PTBP2: variants seen among roughly 807,000 people sequenced by gnomAD.
PTBP2 encodes the protein polypyrimidine tract-binding protein 2.
PTBP2 carries 13 observed loss-of-function variants against 61.4 expected under a neutral mutation model. That is an observed-to-expected ratio of 0.21 (90% confidence interval 0.14 to 0.34). The LOEUF is 0.34. Among genes scored for constraint, PTBP2 ranks in the 10% least tolerant of loss-of-function variants. The pLI, the probability that PTBP2 is intolerant of heterozygous loss-of-function variation, is 1.00. For missense variants in PTBP2, 405 were observed against 642.6 expected, an observed-to-expected ratio of 0.63 and a Z score of 4.00; for synonymous variants, 215 against 218.5, an observed-to-expected ratio of 0.98 and a Z score of 0.14.
At chr1:96,744,322 A>G (rs1216342590) in intron 2 of PTBP2, among the ~76,000 whole-genome samples, 2 of 152,168 alleles carry the variant, frequency 1.3e-5, no homozygotes, top group African/African-American at 4.8e-5. Context: ...ACATATATAT[A>G]TATTTTTTAA....
At chr1:96,815,427 A>G (rs918198881), downstream of PTBP2, 3 of 152,200 alleles carry the variant, frequency 2.0e-5, no homozygotes, top group Non-Finnish European at 2.9e-5. Flanking sequence ...TATACATTCA[A>G]GTATTTAAAA....
At chr1:96,816,053 C>CTT (rs1168485630), downstream of PTBP2, 1 of 152,150 alleles carries the variant, frequency 6.6e-6, no homozygotes, top group African/African-American at 2.4e-5. Flanking sequence ...GAAGGAGAAA[C>CTT]TAAGTCCTGA....
intron 2 of PTBP2, among the ~76,000 whole-genome samples, chr1:96,738,111 A>T (rs1048022929): frequency 6.6e-6 from 1 of 152,152 alleles, no homozygotes; most frequent in African/African-American, 2.4e-5. Flanking sequence ...GTTTCAGGTA[A>T]GACATATGTG....
intron 4 of PTBP2, among the ~76,000 whole-genome samples, 166 bp downstream of exon 4, chr1:96,770,041 A>AGT (rs1387901833): frequency 6.6e-6 from 1 of 152,080 alleles, no homozygotes; most frequent in African/African-American, 2.4e-5. Context: ...AGGTAGCCAA[A>AGT]GTGAGTGAAT....
chr1:96,770,905 A>C (rs1657301602), intron 5 of PTBP2, 54 bp downstream of exon 5: 1,150 of 1,379,922 alleles, frequency 8.3e-4, no homozygotes, highest in Non-Finnish European at 1.1e-3. Context: ...TATGAATCTC[A>C]TAAACATTAA....
chr1:96,739,817 G>A lies in PTBP2; in HGVS notation c.40-11608G>A, dbSNP rs909108111. ...TATATATATATTTTTTAGTAGAGAC[G>A]GGGTTTCACTGTAGCCAGGATGGAC... On this transcript the variant is annotated intron_variant, in intron 2 of 13. Coordinates refer to ENST00000674951, the MANE Select transcript of PTBP2 (RefSeq NM_021190.4). 4.0e-5 allele frequency among the ~76,000 whole-genome samples: 6 copies of A among 151,284 alleles called. No individual in the cohort carries two copies. The South Asian group carries it at 8.4e-4, about 21-fold the overall frequency.
intron 2 of PTBP2, among the ~76,000 whole-genome samples, chr1:96,747,475 AT>A: frequency 6.6e-6 from 1 of 152,210 alleles, no homozygotes; most frequent in East Asian, 1.9e-4. Flanking sequence ...TGCTTTTTAT[AT>A]TTATCAGAAA....
intron 3 of PTBP2, among the ~76,000 whole-genome samples, chr1:96,767,944 G>GAC (rs775326431): frequency 1.3e-5 from 2 of 152,020 alleles, no homozygotes; most frequent in East Asian, 3.9e-4. Flanking sequence ...TCTGTACAAA[G>GAC]ACAACCTAAG....
Position 96,770,700 on chromosome 1 carries a change from A to T in PTBP2, c.289-8A>T. Reference sequence around the variant, plus strand: ...TAGTATTAAAAATTGTGCTACTTAAATTTTCAGGCATTTTTGGAACTAGCA... The same window carrying T: ...TAGTATTAAAAATTGTGCTACTTAATTTTTCAGGCATTTTTGGAACTAGCA... On this transcript the variant is annotated splice_polypyrimidine_tract_variant and splice_region_variant and intron_variant, in intron 4 of 13. Transcript: ENST00000674951. The T allele has an allele frequency of 6.2e-7, 1 of 1,607,760 alleles. No individual in the cohort carries two copies. Among genetic ancestry groups the T allele is most frequent in the Non-Finnish European group, 8.5e-7 (1 of 1,175,440 alleles).
chr1:96,802,000 A>C (rs1275575099), intron 8 of PTBP2, among the ~76,000 whole-genome samples: 1 of 151,924 alleles, frequency 6.6e-6, no homozygotes, highest in Non-Finnish European at 1.5e-5. Flanking sequence ...TCACGAGGTC[A>C]GGAGATCAAG....
Position 96,785,062 on chromosome 1 carries a change from C to G in PTBP2, c.712C>G (p.Leu238Val). 1 of 1,577,988 alleles carries G rather than the reference C, an allele frequency of 6.3e-7. No individual in the cohort carries two copies. The highest frequency in any genetic ancestry group is 8.6e-7 in the Non-Finnish European group (1 of 1,161,026). ...TATGCTTTATTCACTTTTACAGGCC[C>G]TAGATGGTCAGAATATTTATAATGC... ...PVNAQQAKLA[L>V]DGQNIYNACC... The change falls in exon 8 of 14, where the codon CTA becomes GTA. Residue 238 changes from leucine to valine, a missense_variant. Physicochemically the swap from Leu to Val is conservative, Grantham distance 32. Coordinates refer to ENST00000674951, the MANE Select transcript of PTBP2 (RefSeq NM_021190.4).
At chr1:96,777,525 G>C in intron 5 of PTBP2, 60 bp from the exon 6 acceptor site, 1 of 1,449,284 alleles carries the variant, frequency 6.9e-7, no homozygotes, top group Non-Finnish European at 9.3e-7. Flanking sequence ...TAGTGTAACA[G>C]GTTGCAAAGT....
chr1:96,781,288 A>G (rs1240335736), intron 7 of PTBP2, among the ~76,000 whole-genome samples: 1 of 151,900 alleles, frequency 6.6e-6, no homozygotes, highest in Non-Finnish European at 1.5e-5. Flanking sequence ...ATTTTTCCAC[A>G]GAGTACTAGG....
chr1:96,734,386 A>G (rs1032745614), intron 2 of PTBP2, among the ~76,000 whole-genome samples: 1 of 152,106 alleles, frequency 6.6e-6, no homozygotes, highest in African/African-American at 2.4e-5. Context: ...ACACACACAA[A>G]GTTACCTCAT....
At chr1:96,808,101 A>G (rs1229752289) in intron 11 of PTBP2, among the ~76,000 whole-genome samples, 2 of 152,070 alleles carry the variant, frequency 1.3e-5, no homozygotes, top group African/African-American at 2.4e-5. Context: ...TAAGGGATGC[A>G]TAGTCTTTAT....
In PTBP2 at chr1:96,742,312, G is replaced by A. The variant is rs1653144077; in HGVS notation, c.40-9113G>A. ...GATTTTAAACAGCTTATATGTAAGG[G>A]ATGAGGGAACAGGGATACTTGGACT... On this transcript the variant is annotated intron_variant, in intron 2 of 13. Transcript: ENST00000674951. 3.3e-5 allele frequency among the ~76,000 whole-genome samples: 5 copies of A among 152,194 alleles called. No individual in the cohort carries two copies. The South Asian group carries it at 1.0e-3, about 31-fold the overall frequency.
chr1:96,761,172 G>A (rs1655799421), intron 3 of PTBP2, among the ~76,000 whole-genome samples: 1 of 152,148 alleles, frequency 6.6e-6, no homozygotes, highest in African/African-American at 2.4e-5. Flanking sequence ...TGGTGTGATG[G>A]AAACGTCCTA....
intron 2 of PTBP2, among the ~76,000 whole-genome samples, chr1:96,748,126 G>A (rs1654081532): frequency 1.3e-5 from 2 of 151,978 alleles, no homozygotes; most frequent in African/African-American, 2.4e-5. Context: ...CTTAATATTT[G>A]TGTCCTTGCC....
At chr1:96,759,713 CATT>C (rs1655576826) in intron 3 of PTBP2, among the ~76,000 whole-genome samples, 1 of 152,138 alleles carries the variant, frequency 6.6e-6, no homozygotes, top group African/African-American at 2.4e-5. Context: ...CATCAAAAGA[CATT>C]GTTAAGACAT....
Sources: allele counts gnomAD v4.1 joint callset (sites outside exome capture counted in the v4.1 genomes callset), GRCh38; gene constraint gnomAD v4.1.1; transcripts MANE v1.5; gene names NCBI Gene and HGNC (gene_info 2026-07-23, HGNC 2026-07-21).